The following SLC35D2 variants were observed in gnomAD, a reference collection of about 807,000 sequenced individuals.
SLC35D2 encodes nucleotide sugar transporter SLC35D2.
In SLC35D2, 43 loss-of-function variants were observed where a neutral mutation model predicts 41.8. The observed-to-expected ratio is 1.03, with a 90% CI of 0.81 to 1.33. SLC35D2 has a LOEUF of 1.33. Ranked by LOEUF, SLC35D2 falls within the 40% of genes most tolerant of loss-of-function variation. The probability of loss-of-function intolerance (pLI) is 0.00; values close to 1 mark genes in which losing one functional copy is unlikely to be tolerated. For missense variants in SLC35D2, 380 were observed against 408.4 expected, an observed-to-expected ratio of 0.93 and a Z score of 0.60; for synonymous variants, 150 against 163.9, an observed-to-expected ratio of 0.92 and a Z score of 0.65.
Position 96,332,236 on chromosome 9 carries a change from T to G in SLC35D2, c.752+4481A>C, listed in dbSNP as rs533940007. Among the ~76,000 whole-genome samples the G allele has an allele frequency of 6.6e-5, 10 of 151,468 alleles. No individual in the cohort carries two copies. In the South Asian group the frequency reaches 2.1e-3, roughly 32 times the overall value. On this transcript the variant is annotated intron_variant, in intron 9 of 11. Coordinates refer to ENST00000253270, the MANE Select transcript of SLC35D2 (RefSeq NM_007001.3). ...GAGTGGGCTCGCCTCGAGTCTGGAG[T>G]TGCGGTGTGTGTGTTAACCCTAAAA...
chr9:96,354,900 T>A (rs1005107172), intron 4 of SLC35D2, among the ~76,000 whole-genome samples: 4 of 151,506 alleles, frequency 2.6e-5, no homozygotes, highest in Admixed American at 2.6e-4. Flanking sequence ...CAAAACATTG[T>A]TAAAAAAATT....
chr9:96,382,668 T>C (rs1381622849), intron 1 of SLC35D2, among the ~76,000 whole-genome samples: 1 of 152,008 alleles, frequency 6.6e-6, no homozygotes, highest in Non-Finnish European at 1.5e-5. Flanking sequence ...TCTAAGATAC[T>C]CTCTAACTAA....
At chr9:96,339,968 A>G (rs1301137090) in intron 8 of SLC35D2, among the ~76,000 whole-genome samples, 2 of 152,244 alleles carry the variant, frequency 1.3e-5, no homozygotes, top group African/African-American at 4.8e-5. Flanking sequence ...ATGACTCATC[A>G]AGTTTCTTTC....
chr9:96,317,868 C>CA (rs34659411), downstream of SLC35D2, among the ~76,000 whole-genome samples: 428 of 99,478 alleles, frequency 4.3e-3, 5 homozygotes, highest in East Asian at 7.4e-3. Context: ...ACCAAAAATA[C>CA]AAAAAAAAAA....
intron 9 of SLC35D2, 107 bp downstream of exon 9, chr9:96,336,610 C>CA (rs1441400272): frequency 8.0e-6 from 6 of 748,514 alleles, no homozygotes; most frequent in Middle Eastern, 2.4e-4. Flanking sequence ...CAGAGAAAGT[C>CA]AGAGAAACAC....
At chr9:96,346,262 CAAAG>C (rs1013003314) in intron 6 of SLC35D2, among the ~76,000 whole-genome samples, 2 of 151,988 alleles carry the variant, frequency 1.3e-5, no homozygotes, top group African/African-American at 4.8e-5. Flanking sequence ...AAGTGAAACT[CAAAG>C]AAACAGTTAG....
Position 96,368,303 on chromosome 9 carries a change from A to G in SLC35D2, c.161T>C (p.Phe54Ser), listed in dbSNP as rs746168392. 1 of 1,607,442 alleles carries G rather than the reference A, an allele frequency of 6.2e-7. No homozygotes were observed. The highest frequency in any genetic ancestry group is 8.5e-7 in the Non-Finnish European group (1 of 1,175,898). ...AATTCCAAGGAAAATTGGTGACGGG[A>G]AACTACAAAGGACACAGAACAACAA... ...VNKALLTTYG[F>S]PSPIFLGIGQ... Residue 54 changes from phenylalanine (F) to serine (S), a missense_variant and splice_region_variant, in exon 2 of 12, where the codon TTC becomes TCC. By Grantham distance (155) the Phe-to-Ser change is radical (BLOSUM62 -2). Transcript: ENST00000253270.
intron 1 of SLC35D2, among the ~76,000 whole-genome samples, chr9:96,379,244 C>G (rs1831090338): frequency 6.6e-6 from 1 of 151,386 alleles, no homozygotes; most frequent in South Asian, 2.1e-4. Flanking sequence ...GAGGTAGAGG[C>G]TGAAGTGAGC....
intron 9 of SLC35D2, among the ~76,000 whole-genome samples, chr9:96,331,044 C>T (rs1828784718): frequency 6.6e-6 from 1 of 152,158 alleles, no homozygotes; most frequent in Admixed American, 6.5e-5. Context: ...ATTACAGGGG[C>T]ACACTACCAC....
At chr9:96,350,215 G>A (rs1829752857) in intron 6 of SLC35D2, among the ~76,000 whole-genome samples, 1 of 152,016 alleles carries the variant, frequency 6.6e-6, no homozygotes, top group African/African-American at 2.4e-5. Flanking sequence ...CTTTTGCTCA[G>A]GCTAGAATGC....
At chr9:96,349,239 A>C (rs1026693968) in intron 6 of SLC35D2, among the ~76,000 whole-genome samples, 1 of 152,218 alleles carries the variant, frequency 6.6e-6, no homozygotes, top group Non-Finnish European at 1.5e-5. Flanking sequence ...CAAGGAATGC[A>C]GCCACATCTG....
At chr9:96,345,525 G>A in intron 6 of SLC35D2, 124 bp from the exon 7 acceptor site, 1 of 651,092 alleles carries the variant, frequency 1.5e-6, no homozygotes, top group Non-Finnish European at 2.7e-6. Context: ...CCCGCTTTGT[G>A]GTAGTGAATG....
At chr9:96,316,285 G>A (rs1417299788), downstream of SLC35D2, among the ~76,000 whole-genome samples, 2 of 152,164 alleles carry the variant, frequency 1.3e-5, no homozygotes, top group Non-Finnish European at 2.9e-5. Flanking sequence ...TGGATCATTT[G>A]AGGTCAGGAG....
At chr9:96,342,014 C>G (rs1233094864) in intron 8 of SLC35D2, among the ~76,000 whole-genome samples, 2 of 149,812 alleles carry the variant, frequency 1.3e-5, no homozygotes, top group African/African-American at 2.5e-5. Flanking sequence ...AAAAACAAAA[C>G]AAAACAAAAA....
At chr9:96,313,868 G>A (rs1827991598) in exon 12 of SLC35D2, 1 of 152,462 alleles carries the variant, frequency 6.6e-6, no homozygotes, top group Admixed American at 6.5e-5. Flanking sequence ...AGGGTAATGG[G>A]GACCCCAGTA....
chr9:96,319,269 C>G (rs979934142), downstream of SLC35D2, among the ~76,000 whole-genome samples: 9 of 152,120 alleles, frequency 5.9e-5, no homozygotes, highest in South Asian at 1.9e-3. Context: ...CTATGTGATT[C>G]TACTTATATA....
chr9:96,340,648 A>AAT (rs1345399359), intron 8 of SLC35D2, among the ~76,000 whole-genome samples: 4 of 149,374 alleles, frequency 2.7e-5, no homozygotes, highest in African/African-American at 9.8e-5. Context: ...AAAAAAAAAA[A>AAT]AACTAGTCAA....
chr9:96,334,320 T>G (rs1828950693), intron 9 of SLC35D2, among the ~76,000 whole-genome samples: 1 of 152,144 alleles, frequency 6.6e-6, no homozygotes, highest in Admixed American at 6.5e-5. Flanking sequence ...AATTCCCAAT[T>G]TCAGCTCATG....
At chr9:96,347,988 A>G (rs1210029630) in intron 6 of SLC35D2, among the ~76,000 whole-genome samples, 3 of 152,200 alleles carry the variant, frequency 2.0e-5, no homozygotes, top group Non-Finnish European at 2.9e-5. Flanking sequence ...GCAAATCATC[A>G]AGAAATAACC....
Sources: gnomAD v4.1 joint callset for allele counts (sites outside exome capture counted in the v4.1 genomes callset) on GRCh38, gnomAD v4.1.1 for gene constraint, MANE v1.5 for transcripts, NCBI Gene and HGNC (gene_info 2026-07-23, HGNC 2026-07-21) for gene names.